KLHL1: variants seen among roughly 807,000 people sequenced by gnomAD.
KLHL1 encodes the protein kelch like family member 1.
In KLHL1, 47 loss-of-function variants were observed where a neutral mutation model predicts 77.7. The ratio of observed to expected loss-of-function variants is 0.60; its 90% CI spans 0.48 to 0.77. KLHL1 has a LOEUF of 0.77. Among genes scored for constraint, KLHL1 ranks in the 30% least tolerant of loss-of-function variants. KLHL1 has a pLI of 0.00. For missense variants in KLHL1, 925 were observed against 910.8 expected (o/e 1.02, Z -0.20); for synonymous variants, 360 against 325.2 (o/e 1.11, Z -1.15).
chr13:69,785,174 G>C (rs529919140), intron 7 of KLHL1, among the ~76,000 whole-genome samples: 1 of 152,028 alleles, frequency 6.6e-6, no homozygotes, highest in Admixed American at 6.5e-5. Flanking sequence ...TTACAGGCGT[G>C]AGCCACCGCG....
intron 5 of KLHL1, among the ~76,000 whole-genome samples, chr13:69,843,209 A>G (rs1297201650): frequency 6.6e-6 from 1 of 151,738 alleles, no homozygotes; most frequent in Non-Finnish European, 1.5e-5. Context: ...TGATCACAAC[A>G]CACTATATGC....
chr13:69,857,578 T>C (rs756524244), intron 5 of KLHL1, among the ~76,000 whole-genome samples: 2 of 152,108 alleles, frequency 1.3e-5, no homozygotes, highest in Non-Finnish European at 2.9e-5. Context: ...TGTATCCCTA[T>C]ACTTGATTTA....
At chr13:69,967,193 G>A (rs990869802) in intron 2 of KLHL1, among the ~76,000 whole-genome samples, 4 of 152,238 alleles carry the variant, frequency 2.6e-5, no homozygotes, top group South Asian at 4.1e-4. Flanking sequence ...TCCAGATGCT[G>A]TAAATAGTGA....
At chr13:69,705,889 A>G (rs569528872) in intron 10 of KLHL1, among the ~76,000 whole-genome samples, 1 of 151,832 alleles carries the variant, frequency 6.6e-6, no homozygotes, top group South Asian at 2.1e-4. Flanking sequence ...TGATAAGCAT[A>G]ATGTCTCTTT....
At chr13:70,095,143 A>G (rs1373640717) in intron 1 of KLHL1, among the ~76,000 whole-genome samples, 1 of 152,156 alleles carries the variant, frequency 6.6e-6, no homozygotes, top group Non-Finnish European at 1.5e-5. Flanking sequence ...TCATTGATCT[A>G]CCCAGCATAA....
chr13:69,728,699 T>C (rs1232147069), intron 8 of KLHL1, among the ~76,000 whole-genome samples: 1 of 149,948 alleles, frequency 6.7e-6, no homozygotes, highest in Non-Finnish European at 1.5e-5. Context: ...TCCCAGCTAC[T>C]TGGGAGGCTG....
At position 69,758,786 on chromosome 13, in the gene KLHL1, T is replaced by C. The variant is rs1456910660; in HGVS notation, c.1640-18230A>G. 1.3e-5 allele frequency among the ~76,000 whole-genome samples: 2 copies of C among 152,168 alleles called. 1 individual carries two copies. The highest frequency in any genetic ancestry group is 4.1e-4 in the South Asian group (2 of 4,838). On this transcript the variant is annotated intron_variant, in intron 7 of 10. Transcript: ENST00000377844. The stretch of plus-strand genomic sequence containing the variant: ...AATTATATTTAGCTTTTCCATAGCA[T>C]ATAAAAATAAGATGACTGAGTACAT...
At chr13:69,835,961 TCAGACAAACTGTTCCCACATG>T (rs1878971396) in intron 6 of KLHL1, among the ~76,000 whole-genome samples, 1 of 152,104 alleles carries the variant, frequency 6.6e-6, no homozygotes, top group African/African-American at 2.4e-5. Flanking sequence ...TTAGTTTGTA[TCAGACAAACTGTTCCCACATG>T]AGTAACTATA....
In KLHL1 at chr13:69,905,813, A is replaced by G. The variant is rs930593192; in HGVS notation, c.1015-23318T>C. Reference sequence around the variant, plus strand: ...AAATTCAGGGAATCTACAAAAGTTTATGCTCAGGATCACACGACATACTCT... The same window carrying G: ...AAATTCAGGGAATCTACAAAAGTTTGTGCTCAGGATCACACGACATACTCT... On this transcript the variant is annotated intron_variant, in intron 4 of 10. Transcript: ENST00000377844. Among the ~76,000 whole-genome samples, 11 of 152,230 alleles carry G rather than the reference A, an allele frequency of 7.2e-5. No individual in the cohort carries two copies. In the South Asian group the frequency reaches 1.0e-3, roughly 14 times the overall value.
chr13:69,960,267 T>C (rs1884024220), intron 3 of KLHL1, among the ~76,000 whole-genome samples: 1 of 147,488 alleles, frequency 6.8e-6, no homozygotes, highest in Admixed American at 6.9e-5. Flanking sequence ...ATGTCACCTC[T>C]TGTTTTTCTG....
intron 4 of KLHL1, among the ~76,000 whole-genome samples, chr13:69,916,043 C>T (rs892968040): frequency 6.6e-6 from 1 of 152,084 alleles, no homozygotes; most frequent in Non-Finnish European, 1.5e-5. Context: ...CAATGAGATA[C>T]CATCTCACAC....
intron 9 of KLHL1, among the ~76,000 whole-genome samples, chr13:69,710,556 C>T: frequency 6.6e-6 from 1 of 151,956 alleles, no homozygotes; most frequent in East Asian, 1.9e-4. Flanking sequence ...TTAAAATCTC[C>T]CAGTAGCCAT....
intron 4 of KLHL1, among the ~76,000 whole-genome samples, chr13:69,931,327 T>A (rs1323906758): frequency 2.0e-5 from 3 of 151,800 alleles, no homozygotes; most frequent in South Asian, 2.1e-4. Flanking sequence ...CTCTTCATTA[T>A]CTTTAAGAAA....
chr13:69,822,645 T>G (rs1878382444), intron 6 of KLHL1, among the ~76,000 whole-genome samples: 1 of 152,154 alleles, frequency 6.6e-6, no homozygotes, highest in African/African-American at 2.4e-5. Context: ...TACAAAAATA[T>G]TACAAGTTAT....
At chr13:69,901,032 A>T (rs1016074891) in intron 4 of KLHL1, among the ~76,000 whole-genome samples, 7 of 152,236 alleles carry the variant, frequency 4.6e-5, no homozygotes, top group Non-Finnish European at 1.0e-4. Flanking sequence ...TTGTGAAAGA[A>T]TCAATTATTT....
At chr13:69,930,370 T>C (rs1189908849) in intron 4 of KLHL1, among the ~76,000 whole-genome samples, 1 of 151,874 alleles carries the variant, frequency 6.6e-6, no homozygotes, top group African/African-American at 2.4e-5. Flanking sequence ...TATTGACAAC[T>C]AAACCATTAC....
At chr13:69,903,928 C>T (rs1011188023) in intron 4 of KLHL1, among the ~76,000 whole-genome samples, 19 of 151,786 alleles carry the variant, frequency 1.3e-4, no homozygotes, top group African/African-American at 4.6e-4. Flanking sequence ...GCGTGAGCCA[C>T]CGCGCCCGGC....
At position 69,936,506 on chromosome 13, in the gene KLHL1, C is replaced by T. The variant is rs140908702; in HGVS notation, c.1014+3534G>A. ...TGGGAGTCTGGGACAGGAGAATTGC[C>T]CGAACCTGGGAGGCGGAGGTTGCAG... is the stretch of plus-strand genomic sequence containing the variant. On this transcript the variant is annotated intron_variant, in intron 4 of 10. Coordinates refer to ENST00000377844, the MANE Select transcript of KLHL1 (RefSeq NM_020866.3). 3.9e-4 allele frequency among the ~76,000 whole-genome samples: 59 copies of T among 150,936 alleles called. No homozygotes were observed. In the East Asian group the frequency reaches 9.6e-3, roughly 25 times the overall value.
chr13:69,738,590 A>C (rs1299292493), intron 8 of KLHL1, among the ~76,000 whole-genome samples: 1 of 152,118 alleles, frequency 6.6e-6, no homozygotes, highest in Non-Finnish European at 1.5e-5. Flanking sequence ...TCACAACAGA[A>C]CTTTACAATG....
Sources: allele counts gnomAD v4.1 joint callset (sites outside exome capture counted in the v4.1 genomes callset), GRCh38; gene constraint gnomAD v4.1.1; transcripts MANE v1.5; gene names NCBI Gene and HGNC (gene_info 2026-07-23, HGNC 2026-07-21).